The following PDE5A variants were observed in gnomAD, a reference collection of about 807,000 sequenced individuals.
PDE5A encodes phosphodiesterase 5A.
In PDE5A, 67 loss-of-function variants were observed where a neutral mutation model predicts 110.2. The observed-to-expected ratio is 0.61, with a 90% CI of 0.50 to 0.75. PDE5A has a LOEUF of 0.75. Ranked by LOEUF, PDE5A falls within the 30% of genes least tolerant of loss-of-function variation. The pLI is 0.00. For synonymous variants in PDE5A, 328 were observed against 351.2 expected (o/e 0.93, Z 0.74); for missense variants, 862 against 1,045.1 (o/e 0.82, Z 2.42).
chr4:119,502,758 T>C (rs1725403400), intron 18 of PDE5A, 103 bp from the exon 19 acceptor site: 2 of 713,226 alleles, frequency 2.8e-6, no homozygotes, highest in South Asian at 1.7e-5. Context: ...ATCTCCATTT[T>C]ATAGCAAATA....
intron 3 of PDE5A, among the ~76,000 whole-genome samples, chr4:119,584,958 C>G (rs1476239881): frequency 2.0e-5 from 3 of 152,170 alleles, no homozygotes; most frequent in Non-Finnish European, 4.4e-5. Context: ...TTATGTAGAA[C>G]TGTTAGTATT....
intron 1 of PDE5A, among the ~76,000 whole-genome samples, chr4:119,609,653 T>C (rs1322133838): frequency 6.6e-6 from 1 of 152,124 alleles, no homozygotes; most frequent in East Asian, 1.9e-4. Flanking sequence ...AAGAGTTGAA[T>C]ACAGTTATAA....
intron 3 of PDE5A, among the ~76,000 whole-genome samples, chr4:119,575,134 G>GA (rs2110515734): frequency 6.6e-6 from 1 of 152,254 alleles, no homozygotes; most frequent in African/African-American, 2.4e-5. Flanking sequence ...GACGTTTAGA[G>GA]AAAAAAGAAT....
intron 1 of PDE5A, among the ~76,000 whole-genome samples, chr4:119,620,734 C>T (rs1012633702): frequency 7.9e-5 from 12 of 152,126 alleles, no homozygotes; most frequent in Non-Finnish European, 1.8e-4. Context: ...ACTGGGAAGA[C>T]CATCTTATTA....
intron 4 of PDE5A, among the ~76,000 whole-genome samples, chr4:119,566,499 C>T (rs1727939332): frequency 2.6e-5 from 4 of 152,128 alleles, no homozygotes; most frequent in Admixed American, 2.6e-4. Flanking sequence ...GAAAGCATGT[C>T]AATGAGGCGT....
chr4:119,597,081 A>C (rs1240380175), intron 2 of PDE5A, among the ~76,000 whole-genome samples: 1 of 152,096 alleles, frequency 6.6e-6, no homozygotes, highest in East Asian at 1.9e-4. Context: ...AAGAGTTTAA[A>C]TTATACACAT....
chr4:119,558,206 GCTTA>G (rs1170642264), intron 7 of PDE5A, among the ~76,000 whole-genome samples: 2 of 152,084 alleles, frequency 1.3e-5, no homozygotes, highest in Non-Finnish European at 2.9e-5. Context: ...ACTCCCAAGA[GCTTA>G]CTATGCTTTA....
chr4:119,601,240 C>A (rs988459518), intron 2 of PDE5A, among the ~76,000 whole-genome samples: 2 of 152,176 alleles, frequency 1.3e-5, no homozygotes, highest in Admixed American at 6.5e-5. Context: ...TCCAGTCCCA[C>A]CCCCAACCTC....
rs200040557 is a variant in PDE5A, at chr4:119,504,542, T to G, written c.2325A>C (p.Gln775His). The change falls in exon 18 of 21, where the codon CAA becomes CAC. Residue 775 changes from glutamine (Q) to histidine (H), a missense_variant. By Grantham distance (24) the Gln-to-His change is conservative. Transcript: ENST00000354960. ...TTGTCACTAAGTAACATACCCGTTG[T>G]TGAATAGGCCAGGGTTTTGTAATTG... ...LSAITKPWPI[Q>H]QRIAELVATE... is the part of the protein sequence containing the mutation. 1.2e-6 allele frequency: 2 copies of G among 1,611,196 alleles called. No individual in the cohort carries two copies. Among genetic ancestry groups the G allele is most frequent in the Non-Finnish European group, 1.7e-6 (2 of 1,178,066 alleles).
At chr4:119,581,705 A>G (rs1447311761) in intron 3 of PDE5A, among the ~76,000 whole-genome samples, 1 of 152,206 alleles carries the variant, frequency 6.6e-6, no homozygotes, top group Non-Finnish European at 1.5e-5. Context: ...ACAATGAAGT[A>G]TTTGTAGGCA....
At chr4:119,518,816 G>A (rs1323412710) in intron 14 of PDE5A, among the ~76,000 whole-genome samples, 1 of 152,032 alleles carries the variant, frequency 6.6e-6, no homozygotes, top group East Asian at 1.9e-4. Context: ...TAAAACTCCT[G>A]GTAATTATCT....
chr4:119,503,903 A>ATACT (rs1725462778), intron 18 of PDE5A, among the ~76,000 whole-genome samples: 2 of 152,114 alleles, frequency 1.3e-5, no homozygotes, highest in Admixed American at 1.3e-4. Context: ...AAAAAATTCC[A>ATACT]TACTTACTTC....
In PDE5A at chr4:119,542,764, A is replaced by G. The variant is rs185204232; in HGVS notation, c.1397-130T>C. ...ATGCTTAGTATGTCGAAATAAGCAA[A>G]TTAACCCCCACAAATATAAGCTAGA... On this transcript the variant is annotated intron_variant, in intron 9 of 20. Coordinates refer to ENST00000354960, the MANE Select transcript of PDE5A (RefSeq NM_001083.4). 11 of 727,286 alleles carry G rather than the reference A, an allele frequency of 1.5e-5. 1 individual carries two copies. The highest frequency in any genetic ancestry group is 2.5e-5 in the Non-Finnish European group (11 of 439,554). The allele number at this position is 727,286 out of a possible 1,614,324, so 45.1% of individuals were successfully genotyped here. A position where few individuals can be genotyped will look rare whatever the true frequency, so the allele number is the denominator to read the frequency against.
intron 2 of PDE5A, among the ~76,000 whole-genome samples, chr4:119,597,118 T>C (rs1332327428): frequency 6.6e-6 from 1 of 152,150 alleles, no homozygotes; most frequent in Non-Finnish European, 1.5e-5. Context: ...TGAGTCAGAT[T>C]GTAAACAATC....
At chr4:119,517,457 C>T (rs1448293286) in intron 14 of PDE5A, among the ~76,000 whole-genome samples, 1 of 149,922 alleles carries the variant, frequency 6.7e-6, no homozygotes, top group Admixed American at 6.6e-5. Flanking sequence ...ACTGAAACCA[C>T]AGGGATGTAG....
intron 7 of PDE5A, among the ~76,000 whole-genome samples, chr4:119,558,903 C>T (rs1373594815): frequency 5.6e-5 from 6 of 106,196 alleles, no homozygotes; most frequent in Non-Finnish European, 3.5e-5. Context: ...GGCGACAGAG[C>T]GAGACTCCGT....
chr4:119,562,215 C>T (rs1284409465), intron 6 of PDE5A, among the ~76,000 whole-genome samples: 1 of 152,214 alleles, frequency 6.6e-6, no homozygotes, highest in Non-Finnish European at 1.5e-5. Flanking sequence ...CTGTAACTAG[C>T]ACTCTGTGAC....
chr4:119,613,579 C>T (rs6847164), intron 1 of PDE5A, among the ~76,000 whole-genome samples: 122,858 of 152,044 alleles, frequency 0.81, 49,792 homozygotes, highest in East Asian at 0.9. Context: ...AAATAAGTAA[C>T]GGAAAAGATG....
chr4:119,610,220 G>A (rs1370541294), intron 1 of PDE5A, among the ~76,000 whole-genome samples: 1 of 152,200 alleles, frequency 6.6e-6, no homozygotes, highest in Non-Finnish European at 1.5e-5. Context: ...TCTGGGATTT[G>A]CTTATGTAGC....
Sources: gnomAD v4.1 joint callset for allele counts (sites outside exome capture counted in the v4.1 genomes callset) on GRCh38, gnomAD v4.1.1 for gene constraint, MANE v1.5 for transcripts, NCBI Gene and HGNC (gene_info 2026-07-23, HGNC 2026-07-21) for gene names.